PCDH7: variants seen among roughly 807,000 people sequenced by gnomAD.
PCDH7 encodes the protein protocadherin 7, also known as protocadherin-7.
Under a neutral mutation model 58.9 loss-of-function variants are expected in PCDH7, and 17 were observed. The ratio of observed to expected loss-of-function variants is 0.29; its 90% CI spans 0.20 to 0.43. The LOEUF (loss-of-function observed/expected upper bound fraction) is 0.43, where lower values mean the gene tolerates loss of function less well. Among genes scored for constraint, PCDH7 ranks in the 20% least tolerant of loss-of-function variants. The pLI is 1.00. For missense variants in PCDH7, 1,274 were observed against 1,441.0 expected (o/e 0.88, Z 1.88); for synonymous variants, 664 against 616.4 (o/e 1.08, Z -1.14).
At chr4:30,833,335 A>C (rs1010464130) in intron 1 of PCDH7, among the ~76,000 whole-genome samples, 1 of 152,058 alleles carries the variant, frequency 6.6e-6, no homozygotes, top group Non-Finnish European at 1.5e-5. Flanking sequence ...TTCAGCTTCT[A>C]GACATTGGCT....
chr4:30,870,080 T>C (rs766599584), intron 1 of PCDH7, among the ~76,000 whole-genome samples: 8 of 152,180 alleles, frequency 5.3e-5, no homozygotes, highest in Non-Finnish European at 1.2e-4. Flanking sequence ...CATATATGTC[T>C]TATTTTGAGA....
At chr4:30,890,188 G>A (rs1341311220) in intron 1 of PCDH7, among the ~76,000 whole-genome samples, 3 of 152,100 alleles carry the variant, frequency 2.0e-5, no homozygotes, top group African/African-American at 4.8e-5. Flanking sequence ...CCATTGACCA[G>A]TATTTATAGG....
intron 1 of PCDH7, among the ~76,000 whole-genome samples, chr4:30,823,736 T>C (rs907826705): frequency 2.6e-5 from 4 of 152,078 alleles, no homozygotes; most frequent in South Asian, 2.1e-4. Context: ...GTTAGATTAG[T>C]AGAAAGGCTA....
intron 1 of PCDH7, among the ~76,000 whole-genome samples, chr4:30,740,802 C>T (rs1716964102): frequency 6.6e-6 from 1 of 151,848 alleles, no homozygotes; most frequent in Non-Finnish European, 1.5e-5. Flanking sequence ...TAAAATATGA[C>T]CTATGTCATC....
At chr4:31,119,989 T>G (rs1466282533) in intron 3 of PCDH7, among the ~76,000 whole-genome samples, 2 of 151,730 alleles carry the variant, frequency 1.3e-5, no homozygotes, top group Admixed American at 1.3e-4. Flanking sequence ...CTTTTCCTGG[T>G]GCTGGCTGCG....
chr4:30,728,360 A>G (rs1200001104), intron 1 of PCDH7, among the ~76,000 whole-genome samples: 1 of 151,524 alleles, frequency 6.6e-6, no homozygotes, highest in Non-Finnish European at 1.5e-5. Flanking sequence ...GCATCTACAT[A>G]GTGATGCCAA....
chr4:30,966,133 C>T (rs1748976937), intron 3 of PCDH7, among the ~76,000 whole-genome samples: 1 of 152,108 alleles, frequency 6.6e-6, no homozygotes, highest in African/African-American at 2.4e-5. Flanking sequence ...ATTGCGGATT[C>T]TTGACTGCTG....
In PCDH7 at chr4:30,985,476, T is replaced by G. The variant is rs1750891814; in HGVS notation, c.*7+35261T>G. ...CTAGTAAAATGGAAAGAAGATGGCT[T>G]AAGAAAGAGAATGGCTTAGGTTTCA... is the stretch of plus-strand genomic sequence containing the variant. On this transcript the variant is annotated intron_variant, in intron 3 of 3. Coordinates refer to the PCDH7 transcript ENST00000509759. Among the ~76,000 whole-genome samples the G allele has an allele frequency of 2.0e-5, 3 of 152,190 alleles. No homozygotes were observed. The South Asian group carries it at 6.2e-4, about 32-fold the overall frequency.
chr4:30,860,068 G>A (rs1022992101), intron 1 of PCDH7, among the ~76,000 whole-genome samples: 2 of 152,128 alleles, frequency 1.3e-5, no homozygotes, highest in African/African-American at 4.8e-5. Context: ...CCGTGTGTTC[G>A]ATTCTTTTCA....
chr4:30,928,709 C>T (rs1353852508), intron 2 of PCDH7, among the ~76,000 whole-genome samples: 2 of 152,110 alleles, frequency 1.3e-5, no homozygotes, highest in Non-Finnish European at 2.9e-5. Context: ...TTTTATAAAT[C>T]AAATGTTGGA....
At chr4:30,993,251 T>A (rs1405471369) in intron 3 of PCDH7, among the ~76,000 whole-genome samples, 1 of 152,206 alleles carries the variant, frequency 6.6e-6, no homozygotes, top group Non-Finnish European at 1.5e-5. Flanking sequence ...AGTTTCTACA[T>A]TTCCCATGTA....
intron 3 of PCDH7, among the ~76,000 whole-genome samples, chr4:30,968,376 CTATATATATATATATATATATATATATA>C (rs60085619): frequency 1.0e-4 from 7 of 67,056 alleles, no homozygotes; most frequent in African/African-American, 4.9e-4. Context: ...TATACACACA[CTATATATATATATATATATATATATATA>C]TATATATATA....
At chr4:30,741,300 C>T (rs1053848573) in intron 1 of PCDH7, among the ~76,000 whole-genome samples, 2 of 151,452 alleles carry the variant, frequency 1.3e-5, no homozygotes, top group African/African-American at 4.9e-5. Flanking sequence ...AGGTGATTCT[C>T]CCACCTCAGC....
At chr4:30,725,791 T>C (rs958872219) in intron 1 of PCDH7, among the ~76,000 whole-genome samples, 6 of 152,268 alleles carry the variant, frequency 3.9e-5, no homozygotes, top group Admixed American at 1.3e-4. Context: ...GAAAAAGTTA[T>C]TTTATAGCCT....
At chr4:30,791,975 G>A (rs933110621) in intron 1 of PCDH7, among the ~76,000 whole-genome samples, 1 of 152,134 alleles carries the variant, frequency 6.6e-6, no homozygotes, top group African/African-American at 2.4e-5. Flanking sequence ...ACAAATAGTT[G>A]TTACTTTGCA....
chr4:31,004,243 G>A (rs766105723), intron 3 of PCDH7, among the ~76,000 whole-genome samples: 4 of 152,064 alleles, frequency 2.6e-5, no homozygotes, highest in Non-Finnish European at 5.9e-5. Flanking sequence ...AGTTTTGTGC[G>A]TCAGACGAGA....
At chr4:30,769,613 T>C (rs1013559821) in intron 1 of PCDH7, among the ~76,000 whole-genome samples, 1 of 152,214 alleles carries the variant, frequency 6.6e-6, no homozygotes, top group African/African-American at 2.4e-5. Flanking sequence ...AGCATCCGTT[T>C]ACATGTTGTC....
At chr4:30,928,225 A>G (rs1046173605) in intron 2 of PCDH7, among the ~76,000 whole-genome samples, 15 of 152,174 alleles carry the variant, frequency 9.9e-5, no homozygotes, top group African/African-American at 3.6e-4. Context: ...CTGCCCAGCA[A>G]GTTAGTACTC....
intron 1 of PCDH7, among the ~76,000 whole-genome samples, chr4:30,893,380 C>T (rs766512721): frequency 1.3e-5 from 2 of 152,004 alleles, no homozygotes; most frequent in African/African-American, 2.4e-5. Context: ...AGAGAAGTTA[C>T]AGAACTATAT....
Sources: allele counts gnomAD v4.1 joint callset (sites outside exome capture counted in the v4.1 genomes callset), GRCh38; gene constraint gnomAD v4.1.1; transcripts MANE v1.5; gene names NCBI Gene and HGNC (gene_info 2026-07-23, HGNC 2026-07-21).